The following LMOD1 variants were observed in gnomAD, a reference collection of about 807,000 sequenced individuals.
LMOD1 encodes the protein leiomodin 1, also known as leiomodin-1.
LMOD1 carries 8 observed loss-of-function variants against 36.5 expected under a neutral mutation model. That is an observed-to-expected ratio of 0.22 (90% confidence interval 0.13 to 0.40). The LOEUF is 0.40. Ranked by LOEUF, LMOD1 falls within the 10% of genes least tolerant of loss-of-function variation. LMOD1 has a pLI of 1.00. For synonymous variants in LMOD1, 284 were observed against 288.7 expected (o/e 0.98, Z 0.17); for missense variants, 630 against 751.1 (o/e 0.84, Z 1.88).
intron 1 of LMOD1, among the ~76,000 whole-genome samples, chr1:201,927,306 G>A (rs1183907218): frequency 6.6e-5 from 10 of 152,188 alleles, no homozygotes; most frequent in African/African-American, 2.2e-4. Context: ...CTTGGCTCAC[G>A]CCTGTAATCC....
intron 1 of LMOD1, among the ~76,000 whole-genome samples, chr1:201,908,114 C>A (rs1681441031): frequency 6.6e-6 from 1 of 152,226 alleles, no homozygotes; most frequent in East Asian, 1.9e-4. Context: ...CATTCTCAGA[C>A]TGAAGTTCTT....
chr1:201,925,115 G>T (rs527377722), intron 1 of LMOD1, among the ~76,000 whole-genome samples: 1 of 152,028 alleles, frequency 6.6e-6, no homozygotes, highest in Non-Finnish European at 1.5e-5. Flanking sequence ...ATGAGGCTCA[G>T]GCAGGAGAAT....
Position 201,909,261 on chromosome 1 carries a change from C to T in LMOD1, c.262-8510G>A, listed in dbSNP as rs1015581864. Among the ~76,000 whole-genome samples, 34 of 152,104 alleles carry T rather than the reference C, an allele frequency of 2.2e-4. 1 individual carries two copies. The highest frequency in any genetic ancestry group is 7.7e-4 in the African/African-American group (32 of 41,400). On this transcript the variant is annotated intron_variant, in intron 1 of 2. Coordinates refer to ENST00000367288, the MANE Select transcript of LMOD1 (RefSeq NM_012134.3). Reference sequence around the variant, plus strand: ...TGTGAGGCAACTCGTGGGGGTGGGGCGTAGCATGCAGCCCCCTGGCAAAAT... The same window carrying T: ...TGTGAGGCAACTCGTGGGGGTGGGGTGTAGCATGCAGCCCCCTGGCAAAAT...
intron 1 of LMOD1, among the ~76,000 whole-genome samples, chr1:201,920,441 C>T (rs936939996): frequency 6.6e-6 from 1 of 152,132 alleles, no homozygotes; most frequent in African/African-American, 2.4e-5. Context: ...CTAAATGCAG[C>T]TCCCTTTTAG....
chr1:201,900,715 T>C lies in LMOD1; in HGVS notation c.298A>G (p.Asn100Asp). 6.2e-7 allele frequency: 1 copy of C among 1,610,374 alleles called. No individual in the cohort carries two copies. The highest frequency in any genetic ancestry group is 8.5e-7 in the Non-Finnish European group (1 of 1,178,572). The change falls in exon 2 of 3, where the codon AAT becomes GAT. Residue 100 changes from asparagine (N) to aspartate (D), a missense_variant. This residue lies in a region of LMOD1 where 405 missense variants were observed against 400.6 expected (regional missense o/e 1.01). Transcript: ENST00000367288. ...KQVETKTDAK[N>D]GEERGRDASK... ...GCATCTCTGCCCCTTTCCTCTCCAT[T>C]CTTGGCATCTGTCTTGGTCTCCACT...
chr1:201,932,251 G>C (rs1267819711), intron 1 of LMOD1, among the ~76,000 whole-genome samples: 1 of 152,172 alleles, frequency 6.6e-6, no homozygotes. Context: ...CATACTGAGA[G>C]TAGGTAAGGC....
chr1:201,933,616 T>TATATATATATATATATATAA (rs1681968889), intron 1 of LMOD1, among the ~76,000 whole-genome samples: 1 of 84,944 alleles, frequency 1.2e-5, no homozygotes, highest in Non-Finnish European at 2.7e-5. Context: ...TATATATATA[T>TATATATATATATATATATAA]ATATATATGG....
chr1:201,908,604 G>A (rs531073319), intron 1 of LMOD1, among the ~76,000 whole-genome samples: 2 of 152,232 alleles, frequency 1.3e-5, no homozygotes, highest in East Asian at 3.9e-4. Flanking sequence ...TATGTTGTGG[G>A]GGTGCTACAG....
intron 1 of LMOD1, among the ~76,000 whole-genome samples, chr1:201,939,948 G>A (rs553635678): frequency 6.6e-6 from 1 of 152,146 alleles, no homozygotes; most frequent in Non-Finnish European, 1.5e-5. Flanking sequence ...GATAAGACCG[G>A]GGCTTTGTCC....
intron 1 of LMOD1, among the ~76,000 whole-genome samples, chr1:201,914,430 C>T (rs959358366): frequency 4.6e-5 from 7 of 152,048 alleles, no homozygotes; most frequent in African/African-American, 1.5e-4. Flanking sequence ...TGGTACGGGG[C>T]GGTATTAAGG....
At position 201,924,423 on chromosome 1, in the gene LMOD1, GGGAA is replaced by G. The variant is rs559978622; in HGVS notation, c.261+21653_261+21656del. On this transcript the variant is annotated intron_variant, in intron 1 of 2. Coordinates refer to ENST00000367288, the MANE Select transcript of LMOD1 (RefSeq NM_012134.3). The stretch of plus-strand genomic sequence containing the variant: ...AAGGAAGCAAGGAAGGAGGGAGGAA[GGGAA>G]GGAAGGAAGGAAGCAAGGAAGGAGG... Among the ~76,000 whole-genome samples the G allele has an allele frequency of 9.3e-5, 2 of 21,502 alleles. 1 individual carries two copies. Among genetic ancestry groups the G allele is most frequent in the Non-Finnish European group, 1.6e-4 (2 of 12,140 alleles). The allele number at this position is 21,502 out of a possible 152,430, so 14.1% of individuals were successfully genotyped here. A position where few individuals can be genotyped will look rare whatever the true frequency, so the allele number is the denominator to read the frequency against.
intron 1 of LMOD1, among the ~76,000 whole-genome samples, chr1:201,929,118 T>C (rs1681877635): frequency 6.7e-6 from 1 of 148,398 alleles, no homozygotes; most frequent in Non-Finnish European, 1.5e-5. Flanking sequence ...ATTTATTTAT[T>C]TAGAGACGGA....
At position 201,899,351 on chromosome 1, in the gene LMOD1, G is replaced by C; in HGVS notation, c.1662C>G (p.Leu554=). The C allele has an allele frequency of 6.3e-7, 1 of 1,586,344 alleles. No individual in the cohort carries two copies. Among genetic ancestry groups the C allele is most frequent in the South Asian group, 1.1e-5 (1 of 90,118 alleles). The part of the protein sequence containing the change: ...PLIMENLKNS[L]SPATQRKMGD... Reference sequence around the variant, plus strand: ...CCATCTTCCTCTGGGTAGCTGGTGAGAGTGAATTCTTCAGGTTCTCCATGA... The same window carrying C: ...CCATCTTCCTCTGGGTAGCTGGTGACAGTGAATTCTTCAGGTTCTCCATGA... The change falls in exon 2 of 3, where the codon CTC becomes CTG. Residue 554 remains leucine (L), a synonymous_variant. Transcript: ENST00000367288. This position sits in a 1 kb window ranked among gnomAD's most constrained non-coding sequence, Gnocchi z 6.3.
chr1:201,923,931 G>GAA (rs1491298039), intron 1 of LMOD1, among the ~76,000 whole-genome samples: 1 of 128,438 alleles, frequency 7.8e-6, no homozygotes, highest in South Asian at 2.4e-4. Context: ...GAGAGAGAGA[G>GAA]AAAGAAAGAA....
At chr1:201,926,532 A>G (rs1226887183) in intron 1 of LMOD1, among the ~76,000 whole-genome samples, 1 of 152,230 alleles carries the variant, frequency 6.6e-6, no homozygotes, top group African/African-American at 2.4e-5. Flanking sequence ...ACACAGCCAT[A>G]CAATAGACTA....
rs141128695 is a variant in LMOD1, at chr1:201,910,494, G to A, written c.262-9743C>T. ...GAGATGCATTTCACCATGTTGCCCA[G>A]TCTGGTCTCGAACTCCTGTGCTCAA... On this transcript the variant is annotated intron_variant, in intron 1 of 2. Coordinates refer to ENST00000367288, the MANE Select transcript of LMOD1 (RefSeq NM_012134.3). 3.9e-3 allele frequency among the ~76,000 whole-genome samples: 593 copies of A among 152,194 alleles called. 5 individuals carry two copies. The highest frequency in any genetic ancestry group is 0.014 in the African/African-American group (569 of 41,524).
At chr1:201,900,816 G>C in intron 1 of LMOD1, 65 bp from the exon 2 acceptor site, 1 of 1,396,372 alleles carries the variant, frequency 7.2e-7, no homozygotes, top group Middle Eastern at 1.9e-4. Flanking sequence ...AATGAGTATG[G>C]GGATGTGTGG....
In LMOD1 at chr1:201,901,626, GTGTGTATA is replaced by G. The variant is rs1458258932; in HGVS notation, c.262-883_262-876del. On this transcript the variant is annotated intron_variant, in intron 1 of 2. Transcript: ENST00000367288. The stretch of plus-strand genomic sequence containing the variant: ...TATATATATACACATATATATGTGT[GTGTGTATA>G]TATATATATATATACATATATATGT... Among the ~76,000 whole-genome samples the G allele has an allele frequency of 3.2e-3, 176 of 54,528 alleles. 21 individuals carry two copies. The highest frequency in any genetic ancestry group is 0.011 in the African/African-American group (121 of 10,698). The allele number at this position is 54,528 out of a possible 152,430, so 35.8% of individuals were successfully genotyped here.
chr1:201,932,704 T>C (rs1681945546), intron 1 of LMOD1, among the ~76,000 whole-genome samples: 1 of 152,090 alleles, frequency 6.6e-6, no homozygotes, highest in Non-Finnish European at 1.5e-5. Context: ...ATTGCACCAC[T>C]GCACCCTGGC....
Sources: allele counts gnomAD v4.1 joint callset (sites outside exome capture counted in the v4.1 genomes callset), GRCh38; gene constraint gnomAD v4.1.1; regional missense constraint gnomAD v4.1.1; non-coding constraint Gnocchi (gnomAD v3.1); transcripts MANE v1.5; gene names NCBI Gene and HGNC (gene_info 2026-07-23, HGNC 2026-07-21).